The following DLC1 variants were observed in gnomAD, a reference collection of about 807,000 sequenced individuals.
The protein encoded by DLC1 is DLC1 Rho GTPase activating protein, also known as rho GTPase-activating protein 7.
DLC1 carries 54 observed loss-of-function variants against 140.3 expected under a neutral mutation model. The ratio of observed to expected loss-of-function variants is 0.38; its 90% CI spans 0.31 to 0.48. The LOEUF is 0.48. Among genes scored for constraint, DLC1 ranks in the 20% least tolerant of loss-of-function variants. DLC1 has a pLI of 0.96. For synonymous variants in DLC1, 986 were observed against 728.1 expected (o/e 1.35, Z -5.70); for missense variants, 2,536 against 1,907.0 (o/e 1.33, Z -6.14).
At position 13,476,261 on chromosome 8, in the gene DLC1, C is replaced by T. The variant is rs983423491; in HGVS notation, c.1023+22788G>A. Among the ~76,000 whole-genome samples, 3 of 152,050 alleles carry T rather than the reference C, an allele frequency of 2.0e-5. 1 individual carries two copies. The highest frequency in any genetic ancestry group is 1.9e-4 in the East Asian group (1 of 5,186). The stretch of plus-strand genomic sequence containing the variant: ...ACATCCAATGATAATAGCCTTGTTT[C>T]GTGATATTTTAAATCATTATACTAA... On this transcript the variant is annotated intron_variant, in intron 2 of 17. Transcript: ENST00000276297.
In DLC1 at chr8:13,242,981, CTTG is replaced by C. The variant is rs555711952; in HGVS notation, c.1348+62285_1348+62287del. On this transcript the variant is annotated intron_variant, in intron 5 of 17. Coordinates refer to ENST00000276297, the MANE Select transcript of DLC1 (RefSeq NM_182643.3). ...ATTGGATCATGGGGTGGATTTCCCC[CTTG>C]TTGTTCTCGTGATGGTGAGTGAGTT... Among the ~76,000 whole-genome samples, 520 of 152,024 alleles carry C rather than the reference CTTG, an allele frequency of 3.4e-3. 3 individuals carry two copies. Among genetic ancestry groups the C allele is most frequent in the Non-Finnish European group, 6.0e-3 (410 of 67,974 alleles).
chr8:13,150,951 G>A (rs1823763098), intron 5 of DLC1, among the ~76,000 whole-genome samples: 1 of 152,194 alleles, frequency 6.6e-6, no homozygotes, highest in Admixed American at 6.5e-5. Context: ...CATTCTATTA[G>A]GGACAGGTTG....
Position 13,581,038 on chromosome 8 carries a change from C to G in DLC1, c.-126+23499G>C, listed in dbSNP as rs532360093. On this transcript the variant is annotated intron_variant, in intron 1 of 1. Transcript: ENST00000631382. ...GGCAGGAGAAGAGAAAGCGGTGAAA[C>G]CTTAAAGTTGTCAGTAGTCAAACAT... Among the ~76,000 whole-genome samples the G allele has an allele frequency of 2.6e-5, 4 of 152,228 alleles. No individual in the cohort carries two copies. The South Asian group carries it at 6.2e-4, about 24-fold the overall frequency.
intron 4 of DLC1, among the ~76,000 whole-genome samples, chr8:13,393,253 G>C (rs1050271216): frequency 7.0e-6 from 1 of 143,376 alleles, no homozygotes; most frequent in African/African-American, 2.6e-5. Flanking sequence ...GTAGGGAAAG[G>C]CATCTCCAGA....
chr8:13,219,168 C>T (rs184857062), intron 5 of DLC1, among the ~76,000 whole-genome samples: 11,617 of 42,916 alleles, frequency 0.27, 3,841 homozygotes, highest in East Asian at 0.56. Flanking sequence ...ATGAATATAA[C>T]TATATAATTA....
At chr8:13,158,245 A>G (rs556207349) in intron 5 of DLC1, among the ~76,000 whole-genome samples, 1 of 152,364 alleles carries the variant, frequency 6.6e-6, no homozygotes, top group African/African-American at 2.4e-5. Context: ...ACTTTTGTTA[A>G]GTGTACACTT....
chr8:13,567,859 A>C, intron 1 of DLC1: 1 of 1,551,914 alleles, frequency 6.4e-7, no homozygotes, highest in Middle Eastern at 1.7e-4. Context: ...GCGAGATGGA[A>C]ATAGTGCTTG....
At position 13,120,342 on chromosome 8, in the gene DLC1, C is replaced by CAAAAAAAA. The variant is rs1554577908; in HGVS notation, c.1349-4693_1349-4686dup. On this transcript the variant is annotated intron_variant, in intron 5 of 17. Coordinates refer to ENST00000276297, the MANE Select transcript of DLC1 (RefSeq NM_182643.3). The stretch of plus-strand genomic sequence containing the variant: ...TGGATGACAGAAAGAGACTCCGTCG[C>CAAAAAAAA]AAAAAAAAAAAAAAATATATATATA... Among the ~76,000 whole-genome samples the CAAAAAAAA allele has an allele frequency of 4.4e-4, 26 of 58,790 alleles. 1 individual carries two copies. The highest frequency in any genetic ancestry group is 7.0e-4 in the Non-Finnish European group (19 of 27,164). The allele number at this position is 58,790 out of a possible 152,430, so 38.6% of individuals were successfully genotyped here.
At chr8:13,115,865 T>C (rs1371639552) in intron 5 of DLC1, among the ~76,000 whole-genome samples, 1 of 152,214 alleles carries the variant, frequency 6.6e-6, no homozygotes, top group Non-Finnish European at 1.5e-5. Context: ...AGGATGTATT[T>C]TCCCTTTACA....
At chr8:13,137,281 A>T (rs1304246325) in intron 5 of DLC1, among the ~76,000 whole-genome samples, 1 of 152,176 alleles carries the variant, frequency 6.6e-6, no homozygotes. Flanking sequence ...GTTAGAAGTT[A>T]ATGTTAGATA....
At chr8:13,519,621 G>C (rs1162973170), upstream of DLC1, among the ~76,000 whole-genome samples, 1 of 152,106 alleles carries the variant, frequency 6.6e-6, no homozygotes, top group African/African-American at 2.4e-5. Flanking sequence ...ACACACTTAA[G>C]TTTGGTCTTA....
At chr8:13,318,978 A>G (rs1832975460) in intron 4 of DLC1, among the ~76,000 whole-genome samples, 1 of 152,216 alleles carries the variant, frequency 6.6e-6, no homozygotes, top group African/African-American at 2.4e-5. Context: ...AAAGAAACAC[A>G]ATTGAGTGAG....
In DLC1 at chr8:13,453,406, A is replaced by ATATATATATATATATATATATGTG. The variant is rs1554523014; in HGVS notation, c.1023+45642_1023+45643insCACATATATATATATATATATATA. Among the ~76,000 whole-genome samples the ATATATATATATATATATATATGTG allele has an allele frequency of 7.6e-4, 34 of 44,680 alleles. 3 individuals carry two copies. Among genetic ancestry groups the ATATATATATATATATATATATGTG allele is most frequent in the African/African-American group, 9.4e-4 (7 of 7,472 alleles). The allele number at this position is 44,680 out of a possible 152,430, so 29.3% of individuals were successfully genotyped here. On this transcript the variant is annotated intron_variant, in intron 2 of 17. Transcript: ENST00000276297. The stretch of plus-strand genomic sequence containing the variant: ...GCCCAGGATATATATATATATGTGT[A>ATATATATATATATATATATATGTG]TATATATATATATATATGTGTATAT...
intron 4 of DLC1, among the ~76,000 whole-genome samples, chr8:13,315,589 A>G (rs750667732): frequency 1.3e-5 from 2 of 152,190 alleles, no homozygotes; most frequent in South Asian, 2.1e-4. Flanking sequence ...ATAACATGGT[A>G]ACTATTCTGT....
chr8:13,188,638 T>C (rs1188894960), intron 5 of DLC1, among the ~76,000 whole-genome samples: 1 of 135,388 alleles, frequency 7.4e-6, no homozygotes, highest in African/African-American at 2.8e-5. Context: ...AGAGTCTTGC[T>C]CTGTAGCCCA....
chr8:13,469,261 GACTTAAAA>G (rs1261731007), intron 2 of DLC1, among the ~76,000 whole-genome samples: 1 of 152,032 alleles, frequency 6.6e-6, no homozygotes, highest in Non-Finnish European at 1.5e-5. Flanking sequence ...TGTGTTTAAA[GACTTAAAA>G]ACTGAGATCA....
At chr8:13,490,482 A>G (rs1563392578) in intron 2 of DLC1, among the ~76,000 whole-genome samples, 1 of 152,216 alleles carries the variant, frequency 6.6e-6, no homozygotes, top group Non-Finnish European at 1.5e-5. Context: ...TGAGCCAGAA[A>G]AACAGATCCT....
intron 5 of DLC1, among the ~76,000 whole-genome samples, chr8:13,148,636 C>T (rs1159590250): frequency 6.6e-6 from 1 of 152,016 alleles, no homozygotes; most frequent in African/African-American, 2.4e-5. Flanking sequence ...TCCTTGGTAA[C>T]ATCTGCAGGC....
At chr8:13,568,026 A>C in intron 1 of DLC1, 1 of 1,401,878 alleles carries the variant, frequency 7.1e-7, no homozygotes. Context: ...CTAACTTAAG[A>C]CTTTACTATG....
Sources: gnomAD v4.1 joint callset for allele counts (sites outside exome capture counted in the v4.1 genomes callset) on GRCh38, gnomAD v4.1.1 for gene constraint, MANE v1.5 for transcripts, NCBI Gene and HGNC (gene_info 2026-07-23, HGNC 2026-07-21) for gene names.